SEMA3E: variants seen among roughly 807,000 people sequenced by gnomAD.
SEMA3E encodes semaphorin-3E.
A neutral mutation model predicts 93.6 loss-of-function variants in SEMA3E; 49 were observed. The observed-to-expected ratio is 0.52, with a 90% CI of 0.42 to 0.66. The LOEUF is 0.66. SEMA3E is among the 30% of genes least tolerant of loss of function. SEMA3E has a pLI of 0.00. For missense variants in SEMA3E, 906 were observed against 964.8 expected (o/e 0.94, Z 0.81); for synonymous variants, 363 against 330.7 (o/e 1.10, Z -1.06).
At chr7:83,481,737 T>A (rs1790149822) in intron 2 of SEMA3E, among the ~76,000 whole-genome samples, 1 of 152,198 alleles carries the variant, frequency 6.6e-6, no homozygotes, top group Non-Finnish European at 1.5e-5. Context: ...GTGAGTTAAA[T>A]AATTTAGAAA....
intron 1 of SEMA3E, among the ~76,000 whole-genome samples, chr7:83,585,746 T>A (rs1296624418): frequency 6.6e-6 from 1 of 152,214 alleles, no homozygotes; most frequent in Non-Finnish European, 1.5e-5. Context: ...TCATTGGTTT[T>A]GTTTTCTTTG....
At chr7:83,587,927 C>T (rs1444751864) in intron 1 of SEMA3E, among the ~76,000 whole-genome samples, 2 of 151,644 alleles carry the variant, frequency 1.3e-5, no homozygotes, top group East Asian at 1.9e-4. Flanking sequence ...ATTTTTATAA[C>T]CTTTTATACT....
In SEMA3E at chr7:83,596,229, C is replaced by T. The variant is rs543237886; in HGVS notation, c.115+52199G>A. On this transcript the variant is annotated intron_variant, in intron 1 of 16. Coordinates refer to ENST00000643230, the MANE Select transcript of SEMA3E (RefSeq NM_012431.3). ...ATTGTGAGGTTTTTCAGGTTGGTCCCTATGTTCTTTTGACATCCATCTTTT... is the reference window on the plus strand; with the variant it reads ...ATTGTGAGGTTTTTCAGGTTGGTCCTTATGTTCTTTTGACATCCATCTTTT... 2.6e-5 allele frequency among the ~76,000 whole-genome samples: 4 copies of T among 152,104 alleles called. No homozygotes were observed. In the South Asian group the frequency reaches 8.3e-4, roughly 32 times the overall value.
chr7:83,626,535 G>C (rs914582030), intron 1 of SEMA3E, among the ~76,000 whole-genome samples: 1 of 152,050 alleles, frequency 6.6e-6, no homozygotes, highest in Non-Finnish European at 1.5e-5. Flanking sequence ...TTGTATTTCT[G>C]TAAGATCAGC....
At chr7:83,511,502 G>A (rs2115649291) in intron 1 of SEMA3E, among the ~76,000 whole-genome samples, 1 of 152,220 alleles carries the variant, frequency 6.6e-6, no homozygotes, top group African/African-American at 2.4e-5. Context: ...TTCTAAGTGG[G>A]TAAGGGTCTA....
At chr7:83,426,665 A>G (rs1447873763) in intron 4 of SEMA3E, among the ~76,000 whole-genome samples, 3 of 152,208 alleles carry the variant, frequency 2.0e-5, no homozygotes, top group Non-Finnish European at 4.4e-5. Flanking sequence ...TCCCGACTCT[A>G]AAACAAAAGC....
intron 1 of SEMA3E, among the ~76,000 whole-genome samples, chr7:83,634,843 AATT>A (rs1312328497): frequency 1.3e-5 from 2 of 152,024 alleles, no homozygotes; most frequent in African/African-American, 4.8e-5. Context: ...AATAAGAAAA[AATT>A]ATTTTCTTTC....
intron 4 of SEMA3E, among the ~76,000 whole-genome samples, chr7:83,457,228 C>CAG (rs56786365): frequency 4.7e-4 from 71 of 151,220 alleles, no homozygotes; most frequent in African/African-American, 1.7e-3. Context: ...CAGAGACAGA[C>CAG]AGAGAGAGAG....
intron 1 of SEMA3E, among the ~76,000 whole-genome samples, chr7:83,592,979 G>T (rs1187667093): frequency 6.6e-6 from 1 of 151,944 alleles, no homozygotes; most frequent in African/African-American, 2.4e-5. Flanking sequence ...TTTAGACAAG[G>T]CCTTGCTCTG....
In SEMA3E at chr7:83,648,734, A is replaced by G; in HGVS notation, c.-192T>C. On this transcript the variant is annotated 5_prime_UTR_variant, in exon 1 of 17. Coordinates refer to ENST00000643230, the MANE Select transcript of SEMA3E (RefSeq NM_012431.3). ...TATGTAAAACCTTTCTTTCCTCGGG[A>G]CAGTTGTTTATAAGCCGGGAGCAAG... The G allele has an allele frequency of 1.6e-6, 1 of 643,556 alleles. No individual in the cohort carries two copies. Among genetic ancestry groups the G allele is most frequent in the Non-Finnish European group, 2.8e-6 (1 of 352,940 alleles). The allele number at this position is 643,556 out of a possible 1,614,324, so 39.9% of individuals were successfully genotyped here.
chr7:83,432,699 G>T (rs554623138), intron 4 of SEMA3E, among the ~76,000 whole-genome samples: 1 of 152,108 alleles, frequency 6.6e-6, no homozygotes, highest in Admixed American at 6.5e-5. Context: ...TGATTTTGAA[G>T]ATTAATTTAG....
At chr7:83,403,606 A>G (rs1480026961) in intron 9 of SEMA3E, among the ~76,000 whole-genome samples, 1 of 152,012 alleles carries the variant, frequency 6.6e-6, no homozygotes, top group Non-Finnish European at 1.5e-5. Flanking sequence ...TAACATTATC[A>G]GAATCTCTGT....
chr7:83,448,192 T>G (rs1394322403), intron 4 of SEMA3E, among the ~76,000 whole-genome samples: 1 of 152,246 alleles, frequency 6.6e-6, no homozygotes, highest in Non-Finnish European at 1.5e-5. Flanking sequence ...GGTACATCTG[T>G]TCCATATCAT....
chr7:83,452,863 G>A (rs567666730), intron 4 of SEMA3E, among the ~76,000 whole-genome samples: 1 of 152,220 alleles, frequency 6.6e-6, no homozygotes, highest in African/African-American at 2.4e-5. Flanking sequence ...ATGCCGTGGG[G>A]AACACAGCAC....
chr7:83,384,311 C>T (rs1048476030), intron 16 of SEMA3E, among the ~76,000 whole-genome samples: 9 of 152,120 alleles, frequency 5.9e-5, no homozygotes, highest in African/African-American at 7.2e-5. Flanking sequence ...AGTGCCAAAA[C>T]GAGGTGAAGC....
chr7:83,594,114 C>T (rs1041333573), intron 1 of SEMA3E, among the ~76,000 whole-genome samples: 5 of 152,126 alleles, frequency 3.3e-5, no homozygotes, highest in African/African-American at 1.2e-4. Flanking sequence ...ATATGGAGAA[C>T]TTTGCCAACT....
At chr7:83,451,529 G>T (rs1789358800) in intron 4 of SEMA3E, among the ~76,000 whole-genome samples, 1 of 152,096 alleles carries the variant, frequency 6.6e-6, no homozygotes, top group Admixed American at 6.6e-5. Context: ...GCACTTAAGG[G>T]TTTTGAGGAG....
chr7:83,517,898 A>G (rs1790965103), intron 1 of SEMA3E, among the ~76,000 whole-genome samples: 1 of 152,200 alleles, frequency 6.6e-6, no homozygotes, highest in African/African-American at 2.4e-5. Flanking sequence ...TAATGTGTCT[A>G]CACAGTGGTA....
intron 1 of SEMA3E, among the ~76,000 whole-genome samples, chr7:83,595,032 G>C (rs1434222674): frequency 6.6e-6 from 1 of 151,914 alleles, no homozygotes; most frequent in Non-Finnish European, 1.5e-5. Context: ...GATAGACCTG[G>C]AGATTGTGTA....
Sources: gnomAD v4.1 joint callset for allele counts (sites outside exome capture counted in the v4.1 genomes callset) on GRCh38, gnomAD v4.1.1 for gene constraint, MANE v1.5 for transcripts, NCBI Gene and HGNC (gene_info 2026-07-23, HGNC 2026-07-21) for gene names.